Variants in DSCAM observed in about 807,000 individuals in gnomAD.
The protein encoded by DSCAM is DS cell adhesion molecule.
Under a neutral mutation model 217.7 loss-of-function variants are expected in DSCAM, and 47 were observed. That is an observed-to-expected ratio of 0.22 (90% confidence interval 0.17 to 0.28). The LOEUF (loss-of-function observed/expected upper bound fraction) is 0.28, where lower values mean the gene tolerates loss of function less well. Among genes scored for constraint, DSCAM ranks in the 10% least tolerant of loss-of-function variants. DSCAM has a pLI of 1.00. For synonymous variants in DSCAM, 1,056 were observed against 1,015.3 expected (o/e 1.04, Z -0.76); for missense variants, 2,080 against 2,618.3 (o/e 0.79, Z 4.49).
chr21:40,627,753 C>T (rs2089620792), intron 3 of DSCAM, among the ~76,000 whole-genome samples: 1 of 152,220 alleles, frequency 6.6e-6, no homozygotes, highest in South Asian at 2.1e-4. Context: ...GACGTGAAAG[C>T]TCCGATTTGG....
intron 11 of DSCAM, among the ~76,000 whole-genome samples, chr21:40,270,233 TC>T (rs1352556222): frequency 6.6e-6 from 1 of 152,144 alleles, no homozygotes; most frequent in Non-Finnish European, 1.5e-5. Flanking sequence ...TGCTTCTGCC[TC>T]CAGAAATTTA....
chr21:40,504,597 T>C (rs561060279), intron 3 of DSCAM, among the ~76,000 whole-genome samples: 14 of 152,268 alleles, frequency 9.2e-5, no homozygotes, highest in African/African-American at 2.6e-4. Flanking sequence ...AAAAACTACA[T>C]AGGCGATGCG....
intron 28 of DSCAM, among the ~76,000 whole-genome samples, chr21:40,058,636 C>A (rs1219023735): frequency 3.3e-5 from 5 of 152,150 alleles, no homozygotes; most frequent in African/African-American, 4.8e-5. Flanking sequence ...CAATAATATC[C>A]TTCTCATTCT....
chr21:40,667,042 T>C (rs2090210614), intron 3 of DSCAM, among the ~76,000 whole-genome samples: 1 of 152,214 alleles, frequency 6.6e-6, no homozygotes, highest in African/African-American at 2.4e-5. Flanking sequence ...GGGCAGCAGG[T>C]TGGTGGGATG....
intron 3 of DSCAM, among the ~76,000 whole-genome samples, chr21:40,425,660 C>T (rs984093757): frequency 7.8e-6 from 1 of 128,950 alleles, no homozygotes; most frequent in African/African-American, 3.0e-5. Flanking sequence ...AAGAGCGAAA[C>T]TCGGTGTCCA....
At chr21:40,680,543 A>G (rs1399133525) in intron 3 of DSCAM, among the ~76,000 whole-genome samples, 1 of 128,594 alleles carries the variant, frequency 7.8e-6, no homozygotes, top group Non-Finnish European at 1.7e-5. Context: ...AAGAGCACAC[A>G]GGATCTGTGT....
At chr21:40,600,742 T>A (rs2077055978) in intron 3 of DSCAM, among the ~76,000 whole-genome samples, 1 of 152,224 alleles carries the variant, frequency 6.6e-6, no homozygotes, top group South Asian at 2.1e-4. Context: ...AAATTTTGTG[T>A]CTAGTTTCTT....
intron 8 of DSCAM, among the ~76,000 whole-genome samples, chr21:40,332,122 C>T (rs144061444): frequency 6.6e-6 from 1 of 152,330 alleles, no homozygotes; most frequent in Non-Finnish European, 1.5e-5. Context: ...TCCTTTTCCT[C>T]TCTCCAATTT....
chr21:40,832,767 T>A (rs2092022068), intron 1 of DSCAM, among the ~76,000 whole-genome samples: 1 of 152,116 alleles, frequency 6.6e-6, no homozygotes, highest in African/African-American at 2.4e-5. Context: ...ACTGCTAAGC[T>A]CATCAAACTA....
At chr21:40,117,742 T>G (rs780513867) in intron 20 of DSCAM, among the ~76,000 whole-genome samples, 1 of 152,154 alleles carries the variant, frequency 6.6e-6, no homozygotes, top group Non-Finnish European at 1.5e-5. Context: ...TTTCGTGGCG[T>G]GATTATAACT....
chr21:40,237,659 G>T (rs2073097357), intron 11 of DSCAM, among the ~76,000 whole-genome samples: 1 of 152,298 alleles, frequency 6.6e-6, no homozygotes, highest in African/African-American at 2.4e-5. Flanking sequence ...ATTGTGAACA[G>T]TGCTGCAATA....
chr21:40,777,218 C>T (rs750578866), intron 1 of DSCAM, among the ~76,000 whole-genome samples: 4 of 152,166 alleles, frequency 2.6e-5, no homozygotes, highest in African/African-American at 4.8e-5. Context: ...TATAAGGGCT[C>T]GAATTCCACT....
intron 3 of DSCAM, among the ~76,000 whole-genome samples, chr21:40,430,190 G>A (rs981532872): frequency 6.6e-6 from 1 of 152,102 alleles, no homozygotes; most frequent in African/African-American, 2.4e-5. Context: ...GCTATTTTAG[G>A]TACAGTTTTA....
chr21:40,139,909 T>G (rs1389026829), intron 18 of DSCAM, among the ~76,000 whole-genome samples: 1 of 149,942 alleles, frequency 6.7e-6, no homozygotes, highest in Non-Finnish European at 1.5e-5. Context: ...GTGTGGTGTG[T>G]GTGGTGAGTG....
At chr21:40,255,096 T>C (rs1338647248) in intron 11 of DSCAM, among the ~76,000 whole-genome samples, 1 of 152,104 alleles carries the variant, frequency 6.6e-6, no homozygotes, top group Non-Finnish European at 1.5e-5. Flanking sequence ...AAATAAAGGA[T>C]GTTAAATCCC....
chr21:40,430,604 C>T (rs958583215), intron 3 of DSCAM, among the ~76,000 whole-genome samples: 7 of 152,270 alleles, frequency 4.6e-5, no homozygotes, highest in East Asian at 3.9e-4. Context: ...TAAGTTAATA[C>T]GTAATAAACT....
chr21:40,120,256 C>CATA (rs1238637771), intron 20 of DSCAM, among the ~76,000 whole-genome samples: 2 of 152,212 alleles, frequency 1.3e-5, no homozygotes, highest in Non-Finnish European at 2.9e-5. Flanking sequence ...CAATGTGAAT[C>CATA]ACAGCTCAGA....
chr21:40,548,299 C>T (rs79348986), intron 3 of DSCAM, among the ~76,000 whole-genome samples: 1 of 152,220 alleles, frequency 6.6e-6, no homozygotes, highest in East Asian at 1.9e-4. Context: ...TACCGCCCTC[C>T]CCATGGGGCC....
intron 1 of DSCAM, among the ~76,000 whole-genome samples, chr21:40,758,065 G>A (rs1482392600): frequency 6.6e-6 from 1 of 152,162 alleles, no homozygotes; most frequent in African/African-American, 2.4e-5. Context: ...GACCCAGAGA[G>A]GCAGACACAG....
Sources: allele counts gnomAD v4.1 joint callset (sites outside exome capture counted in the v4.1 genomes callset), GRCh38; gene constraint gnomAD v4.1.1; transcripts MANE v1.5; gene names NCBI Gene and HGNC (gene_info 2026-07-23, HGNC 2026-07-21).